SEC63: variants seen among roughly 807,000 people sequenced by gnomAD.
SEC63 encodes translocation protein SEC63 homolog.
A neutral mutation model predicts 116.2 loss-of-function variants in SEC63; 56 were observed. That is an observed-to-expected ratio of 0.48 (90% confidence interval 0.39 to 0.60). The LOEUF (loss-of-function observed/expected upper bound fraction) is 0.60, where lower values mean the gene tolerates loss of function less well. SEC63 is among the 20% of genes least tolerant of loss of function. The pLI is 0.00. For synonymous variants in SEC63, 273 were observed against 294.6 expected, an observed-to-expected ratio of 0.93 and a Z score of 0.75; for missense variants, 668 against 900.0, an observed-to-expected ratio of 0.74 and a Z score of 3.30.
At chr6:107,950,629 A>G (rs1173074011) in intron 1 of SEC63, among the ~76,000 whole-genome samples, 1 of 152,208 alleles carries the variant, frequency 6.6e-6, no homozygotes, top group Admixed American at 6.5e-5. Flanking sequence ...ACAGAAGTTA[A>G]ATCAGTAACC....
chr6:107,906,590 A>T lies in SEC63; in HGVS notation c.829-10T>A, dbSNP rs1460130561. On this transcript the variant is annotated splice_polypyrimidine_tract_variant and intron_variant, in intron 9 of 20. Transcript: ENST00000369002. ...CAATTTCTCTGATTAGCTAGAATAA[A>T]TAAAATAATTATTCAAAAACACGCT... 6.2e-7 allele frequency: 1 copy of T among 1,610,242 alleles called. No homozygotes were observed.
chr6:107,954,499 A>G (rs1770667982), intron 1 of SEC63: 1 of 144,216 alleles, frequency 6.9e-6, no homozygotes, highest in Non-Finnish European at 1.5e-5. Context: ...AAAAAAAAAG[A>G]ATTTTTCAGA....
chr6:107,889,721 G>T (rs1175789081), intron 16 of SEC63, among the ~76,000 whole-genome samples: 1 of 152,162 alleles, frequency 6.6e-6, no homozygotes, highest in African/African-American at 2.4e-5. Context: ...GGCATTTAGT[G>T]ATATAAATTT....
intron 6 of SEC63, 108 bp from the exon 7 acceptor site, chr6:107,911,504 C>T: frequency 2.6e-6 from 2 of 758,988 alleles, no homozygotes; most frequent in African/African-American, 3.5e-5. Flanking sequence ...AAAAGGATTC[C>T]TCATGTATTA....
intron 1 of SEC63, among the ~76,000 whole-genome samples, chr6:107,956,732 CG>C (rs950119718): frequency 1.4e-4 from 21 of 151,612 alleles, no homozygotes; most frequent in African/African-American, 5.1e-4. Flanking sequence ...TCACATGGGG[CG>C]GGGGGGAAAA....
chr6:107,928,488 CAAA>C (rs764402389), intron 2 of SEC63, among the ~76,000 whole-genome samples: 6 of 84,806 alleles, frequency 7.1e-5, no homozygotes, highest in African/African-American at 8.8e-5. Context: ...GACTCTGTCT[CAAA>C]AAAAAAAAAA....
At chr6:107,931,544 T>TA (rs756895413) in intron 1 of SEC63, among the ~76,000 whole-genome samples, 74 of 149,114 alleles carry the variant, frequency 5.0e-4, no homozygotes, top group Non-Finnish European at 8.9e-4. Context: ...GGTCAGGAGA[T>TA]AGAGACCATC....
At chr6:107,937,612 A>C (rs1770285473) in intron 1 of SEC63, among the ~76,000 whole-genome samples, 1 of 152,198 alleles carries the variant, frequency 6.6e-6, no homozygotes, top group Non-Finnish European at 1.5e-5. Flanking sequence ...TCTTTGAGAA[A>C]TCTGCAAACT....
chr6:107,871,906 C>T (rs1786143425), intron 20 of SEC63, 59 bp from the exon 21 acceptor site: 2 of 1,573,962 alleles, frequency 1.3e-6, no homozygotes, highest in Non-Finnish European at 1.7e-6. Context: ...TGGAAGAAAT[C>T]TTGGTAAACA....
chr6:107,873,775 G>C (rs894438935), intron 19 of SEC63, among the ~76,000 whole-genome samples: 2 of 151,716 alleles, frequency 1.3e-5, no homozygotes, highest in Non-Finnish European at 2.9e-5. Flanking sequence ...ATCACAAAGG[G>C]CTGATTTCTT....
At chr6:107,903,380 C>A (rs1787054025) in intron 11 of SEC63, among the ~76,000 whole-genome samples, 1 of 151,496 alleles carries the variant, frequency 6.6e-6, no homozygotes, top group Admixed American at 6.6e-5. Context: ...TTCCCTCATT[C>A]TTTTCCTTCC....
chr6:107,951,211 T>C (rs1378884694), intron 1 of SEC63, among the ~76,000 whole-genome samples: 1 of 152,204 alleles, frequency 6.6e-6, no homozygotes, highest in Non-Finnish European at 1.5e-5. Context: ...TGGGTAGTGT[T>C]AAGGTAATTA....
rs1265149114 is a variant in SEC63, at chr6:107,901,522, A to AT, written c.1210-6dup. On this transcript the variant is annotated splice_region_variant and splice_polypyrimidine_tract_variant and intron_variant, in intron 12 of 20. Transcript: ENST00000369002. ...CTGGATAGTTTTAATTTTATACTGA[A>AT]TAAAAAAAAAAAAGAAAATACATAA... 7 of 1,531,134 alleles carry AT rather than the reference A, an allele frequency of 4.6e-6. No individual in the cohort carries two copies. Among genetic ancestry groups the AT allele is most frequent in the African/African-American group, 1.4e-5 (1 of 71,254 alleles). 94.8% of individuals were successfully genotyped at this position (1,531,134 alleles called of 1,614,324 possible). A position where few individuals can be genotyped will look rare whatever the true frequency, so the allele number is the denominator to read the frequency against.
At chr6:107,910,046 A>AATTCATAAAAAAATTTCT (rs1787239870) in intron 7 of SEC63, among the ~76,000 whole-genome samples, 1 of 152,200 alleles carries the variant, frequency 6.6e-6, no homozygotes, top group South Asian at 2.1e-4. Context: ...TTTTTTTTAA[A>AATTCATAAAAAAATTTCT]ATGAATGTGT....
At chr6:107,923,078 T>C (rs148129530) in intron 3 of SEC63, among the ~76,000 whole-genome samples, 184 of 152,242 alleles carry the variant, frequency 1.2e-3, no homozygotes, top group African/African-American at 4.3e-3. Context: ...TTTAAAAAAT[T>C]ATATATTTTT....
intron 14 of SEC63, 91 bp downstream of exon 14, chr6:107,897,558 A>C (rs1786886645): frequency 1.1e-6 from 1 of 922,508 alleles, no homozygotes; most frequent in Non-Finnish European, 1.8e-6. Flanking sequence ...TCTTGGTATT[A>C]CAACAGTTTT....
chr6:107,886,194 C>A (rs1420960629), intron 16 of SEC63, among the ~76,000 whole-genome samples: 2 of 152,046 alleles, frequency 1.3e-5, no homozygotes, highest in Non-Finnish European at 1.5e-5. Context: ...TGAACTCATC[C>A]TTTTTTATGG....
At chr6:107,894,235 A>G (rs962633525) in intron 14 of SEC63, among the ~76,000 whole-genome samples, 10 of 152,242 alleles carry the variant, frequency 6.6e-5, no homozygotes, top group Non-Finnish European at 1.3e-4. Context: ...ATGAGAATAT[A>G]TACTATTTTC....
At chr6:107,874,595 CA>C (rs35096526) in intron 19 of SEC63, among the ~76,000 whole-genome samples, 9,103 of 64,492 alleles carry the variant, frequency 0.14, 194 homozygotes, top group Non-Finnish European at 0.19. Flanking sequence ...GACTCTGTCT[CA>C]AAAAAAAAAA....
Sources: gnomAD v4.1 joint callset for allele counts (sites outside exome capture counted in the v4.1 genomes callset) on GRCh38, gnomAD v4.1.1 for gene constraint, MANE v1.5 for transcripts, NCBI Gene and HGNC (gene_info 2026-07-23, HGNC 2026-07-21) for gene names.